The following RPS6KC1 variants were observed in gnomAD, a reference collection of about 807,000 sequenced individuals.
The protein encoded by RPS6KC1 is inactive ribosomal protein S6 kinase delta-1.
A neutral mutation model predicts 103.8 loss-of-function variants in RPS6KC1; 54 were observed. That is an observed-to-expected ratio of 0.52 (90% CI 0.42 to 0.65). The LOEUF is 0.65. RPS6KC1 is among the 30% of genes least tolerant of loss of function. RPS6KC1 has a pLI of 0.00. For missense variants in RPS6KC1, 1,151 were observed against 1,253.8 expected, an observed-to-expected ratio of 0.92 and a Z score of 1.24; for synonymous variants, 439 against 438.7, an observed-to-expected ratio of 1.00 and a Z score of -0.01.
chr1:213,606,722 C>T, the RPS6KC1 span, among the ~76,000 whole-genome samples: 3 of 152,154 alleles, frequency 2.0e-5, no homozygotes, highest in African/African-American at 7.2e-5. Context: ...GTGAGATGCC[C>T]CCTGGAGATG....
intron 6 of RPS6KC1, among the ~76,000 whole-genome samples, chr1:213,143,505 T>A (rs1427351054): frequency 6.6e-6 from 1 of 152,020 alleles, no homozygotes; most frequent in Non-Finnish European, 1.5e-5. Context: ...ATATTCTTTT[T>A]ATTTTTGAGT....
the RPS6KC1 span, among the ~76,000 whole-genome samples, chr1:213,485,401 C>G: frequency 6.6e-6 from 1 of 152,008 alleles, no homozygotes; most frequent in Non-Finnish European, 1.5e-5. Flanking sequence ...ACTCTCCCAC[C>G]CCTAACCTGC....
chr1:213,210,413 A>G (rs1232942752), intron 8 of RPS6KC1, among the ~76,000 whole-genome samples: 2 of 152,208 alleles, frequency 1.3e-5, no homozygotes, highest in Non-Finnish European at 2.9e-5. Context: ...GTGCCTCAAA[A>G]TATATTACAC....
chr1:213,606,351 C>T, the RPS6KC1 span, among the ~76,000 whole-genome samples: 1 of 152,198 alleles, frequency 6.6e-6, no homozygotes, highest in African/African-American at 2.4e-5. Flanking sequence ...CTGCTGGCCC[C>T]AAAGCTGCCA....
chr1:213,624,320 G>A, the RPS6KC1 span, among the ~76,000 whole-genome samples: 1 of 152,344 alleles, frequency 6.6e-6, no homozygotes, highest in South Asian at 2.1e-4. Context: ...TGTATGAAAT[G>A]TATGTATGCA....
chr1:213,189,703 A>G (rs912270228), intron 8 of RPS6KC1, among the ~76,000 whole-genome samples: 2 of 152,208 alleles, frequency 1.3e-5, no homozygotes, highest in Admixed American at 6.5e-5. Context: ...TTAAGTTGTT[A>G]TTGACTATAG....
the RPS6KC1 span, among the ~76,000 whole-genome samples, chr1:213,444,179 T>G: frequency 7.2e-5 from 11 of 152,182 alleles, no homozygotes; most frequent in Admixed American, 1.3e-4. Flanking sequence ...TCTCTCTCTG[T>G]GCATGTCTGT....
chr1:213,837,813 T>A, the RPS6KC1 span, among the ~76,000 whole-genome samples: 1 of 152,370 alleles, frequency 6.6e-6, no homozygotes, highest in Admixed American at 6.5e-5. Flanking sequence ...ATCAAGTGAA[T>A]ATATTTTGTT....
At chr1:213,829,260 G>A in the RPS6KC1 span, among the ~76,000 whole-genome samples, 27 of 57,424 alleles carry the variant, frequency 4.7e-4, 2 homozygotes, top group South Asian at 7.9e-3. Flanking sequence ...AAGAGACCTC[G>A]TTTGTTTCAA....
intron 3 of RPS6KC1, among the ~76,000 whole-genome samples, chr1:213,081,438 C>G (rs953015285): frequency 6.6e-6 from 1 of 152,074 alleles, no homozygotes; most frequent in African/African-American, 2.4e-5. Context: ...CATGAGACAT[C>G]CATTCCCGTG....
At chr1:213,818,036 C>T in the RPS6KC1 span, 5 of 152,220 alleles carry the variant, frequency 3.3e-5, no homozygotes, top group Admixed American at 2.0e-4. Context: ...ACTGCACCAA[C>T]ATATGACAGC....
chr1:213,219,245 G>A (rs917653620), intron 8 of RPS6KC1, among the ~76,000 whole-genome samples: 1 of 152,134 alleles, frequency 6.6e-6, no homozygotes, highest in African/African-American at 2.4e-5. Flanking sequence ...GCAGCCAACA[G>A]ACACATGAAA....
At chr1:213,461,544 A>G in the RPS6KC1 span, among the ~76,000 whole-genome samples, 1 of 152,234 alleles carries the variant, frequency 6.6e-6, no homozygotes, top group Non-Finnish European at 1.5e-5. Context: ...ACAAGGCTAC[A>G]GTAATGAAAA....
chr1:213,416,722 G>A, the RPS6KC1 span, among the ~76,000 whole-genome samples: 11 of 152,184 alleles, frequency 7.2e-5, no homozygotes, highest in African/African-American at 2.7e-4. Flanking sequence ...TATGCTGGGC[G>A]AGGGCCTGAG....
intron 8 of RPS6KC1, chr1:213,205,331 G>A (rs1219934203): frequency 3.0e-6 from 3 of 984,756 alleles, no homozygotes; most frequent in Non-Finnish European, 3.6e-6. Context: ...ATAAAGATAA[G>A]TCATGCTTTT....
At chr1:213,618,672 A>T in the RPS6KC1 span, among the ~76,000 whole-genome samples, 46,897 of 152,062 alleles carry the variant, frequency 0.31, 7,434 homozygotes, top group East Asian at 0.41. Context: ...TATCAGAATG[A>T]GATGGTATTC....
At chr1:213,451,765 C>T in the RPS6KC1 span, among the ~76,000 whole-genome samples, 1 of 152,160 alleles carries the variant, frequency 6.6e-6, no homozygotes, top group Non-Finnish European at 1.5e-5. Flanking sequence ...TAACGTGAAC[C>T]ATGTAAACCT....
At chr1:213,588,742 G>A in the RPS6KC1 span, among the ~76,000 whole-genome samples, 3 of 152,144 alleles carry the variant, frequency 2.0e-5, no homozygotes, top group African/African-American at 7.2e-5. Context: ...AGTCACTAAC[G>A]CTGTGTCTTC....
chr1:213,280,214 G>A, the RPS6KC1 span, among the ~76,000 whole-genome samples: 6 of 152,232 alleles, frequency 3.9e-5, no homozygotes, highest in Admixed American at 2.6e-4. Context: ...AGAGAAAATC[G>A]GGGCAAAATG....
Sources: allele counts gnomAD v4.1 joint callset (sites outside exome capture counted in the v4.1 genomes callset), GRCh38; gene constraint gnomAD v4.1.1; transcripts MANE v1.5; gene names NCBI Gene and HGNC (gene_info 2026-07-23, HGNC 2026-07-21).